Variants in SLC11A2 observed in about 807,000 individuals in gnomAD.
SLC11A2 encodes solute carrier family 11 member 2, also known as natural resistance-associated macrophage protein 2.
SLC11A2 carries 38 observed loss-of-function variants against 68.0 expected under a neutral mutation model. The observed-to-expected ratio is 0.56, with a 90% CI of 0.43 to 0.73. The LOEUF is 0.73. Ranked by LOEUF, SLC11A2 falls within the 30% of genes least tolerant of loss-of-function variation. SLC11A2 has a pLI of 0.00. For synonymous variants in SLC11A2, 242 were observed against 250.6 expected (o/e 0.97, Z 0.32); for missense variants, 517 against 690.5 (o/e 0.75, Z 2.82).
intron 5 of SLC11A2, among the ~76,000 whole-genome samples, chr12:51,004,386 T>A (rs1013357525): frequency 5.9e-5 from 9 of 152,004 alleles, no homozygotes; most frequent in African/African-American, 1.9e-4. Flanking sequence ...AGAAAAAAAA[T>A]TACTTTTTCA....
chr12:50,991,607 G>GGCAAAGTCACTCATTACTGGCC lies in SLC11A2; in HGVS notation c.1391_1412dup (p.Asn472AlafsTer5). ...AAGAGGAGTACACTCACAGTCCATT[G>GGCAAAGTCACTCATTACTGGCC]GCAAAGTCACTCATTACTGGCCGCA... On this transcript the variant is annotated stop_gained and frameshift_variant, in exon 14 of 16. Coordinates refer to ENST00000262052, the MANE Select transcript of SLC11A2 (RefSeq NM_000617.3). LOFTEE classifies it high-confidence loss of function. 6.2e-7 allele frequency: 1 copy of GGCAAAGTCACTCATTACTGGCC among 1,613,546 alleles called. No homozygotes were observed. Among genetic ancestry groups the GGCAAAGTCACTCATTACTGGCC allele is most frequent in the East Asian group, 2.2e-5 (1 of 44,874 alleles).
the SLC11A2 span, chr12:50,970,309 A>G: frequency 1.1e-5 from 7 of 656,552 alleles, no homozygotes; most frequent in African/African-American, 1.9e-5. Context: ...CAAACCAAAA[A>G]CTAGTAAGAA....
rs769504137 is a variant in SLC11A2 at position 50,992,798 on chromosome 12, A to G, written c.1197+12T>C. ...GTTGTGTTATCTCCCTCTATCCTAT[A>G]CCAGCACGTACCTCCATGACAAACT... On this transcript the variant is annotated intron_variant, in intron 12 of 15. Transcript: ENST00000262052. 6.2e-7 allele frequency: 1 copy of G among 1,613,492 alleles called. No homozygotes were observed. Among genetic ancestry groups the G allele is most frequent in the Non-Finnish European group, 8.5e-7 (1 of 1,179,714 alleles).
intron 15 of SLC11A2, among the ~76,000 whole-genome samples, chr12:50,989,530 G>C (rs1452503836): frequency 6.6e-6 from 1 of 152,130 alleles, no homozygotes; most frequent in Non-Finnish European, 1.5e-5. Context: ...AAGCTCATTA[G>C]CCTTAGGCTG....
chr12:50,965,946 T>C, the SLC11A2 span, among the ~76,000 whole-genome samples: 10 of 152,224 alleles, frequency 6.6e-5, no homozygotes, highest in Admixed American at 6.5e-4. Context: ...TGGCTCTTTA[T>C]TGTGGTGATT....
At position 50,988,032 on chromosome 12, in the gene SLC11A2, G is replaced by A. The variant is rs1351635152; in HGVS notation, c.*293C>T. On this transcript the variant is annotated 3_prime_UTR_variant, in exon 16 of 16. Transcript: ENST00000262052. ...GAATCATGCATATCCTTGTCTCTCCGAAGGATAAACTGAGCTGGCCCTTGG... is the reference window on the plus strand; with the variant it reads ...GAATCATGCATATCCTTGTCTCTCCAAAGGATAAACTGAGCTGGCCCTTGG... The A allele has an allele frequency of 8.0e-6, 11 of 1,369,494 alleles. No individual in the cohort carries two copies. The highest frequency in any genetic ancestry group is 2.8e-4 in the Middle Eastern group (1 of 3,516). 84.8% of individuals were successfully genotyped at this position (1,369,494 alleles called of 1,614,324 possible). A position where few individuals can be genotyped will look rare whatever the true frequency, so the allele number is the denominator to read the frequency against.
chr12:51,005,542 A>C, intron 3 of SLC11A2, 106 bp from the exon 4 acceptor site: 1 of 1,567,184 alleles, frequency 6.4e-7, no homozygotes. Context: ...TCACAAGAAA[A>C]AAGGATTTAC....
Position 50,999,161 on chromosome 12 carries a change from C to A in SLC11A2, c.675+13G>T. On this transcript the variant is annotated intron_variant, in intron 8 of 15. Coordinates refer to ENST00000262052, the MANE Select transcript of SLC11A2 (RefSeq NM_000617.3). ...TTATTTTAAGAAGCTAATGAATATCCTGTACCACTTGCCTCATATCCAAAT... is the reference window on the plus strand; with the variant it reads ...TTATTTTAAGAAGCTAATGAATATCATGTACCACTTGCCTCATATCCAAAT... 6.3e-7 allele frequency: 1 copy of A among 1,597,592 alleles called. No individual in the cohort carries two copies. The highest frequency in any genetic ancestry group is 8.6e-7 in the Non-Finnish European group (1 of 1,165,242).
intron 1 of SLC11A2, among the ~76,000 whole-genome samples, chr12:51,021,861 G>A (rs1944065391): frequency 6.6e-6 from 1 of 152,142 alleles, no homozygotes; most frequent in African/African-American, 2.4e-5. Flanking sequence ...CTGCCTGGGT[G>A]TCAAAAACGA....
Position 50,988,210 on chromosome 12 carries a change from T to A in SLC11A2, c.*115A>T. ...AAACAAAGTCTTTTCCAACCAACGG[T>A]TGAGTCATAAACACAGTCTGTGCAA... is the stretch of plus-strand genomic sequence containing the variant. On this transcript the variant is annotated 3_prime_UTR_variant, in exon 16 of 16. Coordinates refer to ENST00000262052, the MANE Select transcript of SLC11A2 (RefSeq NM_000617.3). 2 of 1,576,994 alleles carry A rather than the reference T, an allele frequency of 1.3e-6. No individual in the cohort carries two copies. Among genetic ancestry groups the A allele is most frequent in the African/African-American group, 1.4e-5 (1 of 74,062 alleles).
intron 14 of SLC11A2, 138 bp downstream of exon 14, chr12:50,991,461 C>G: frequency 1.4e-6 from 1 of 724,048 alleles, no homozygotes; most frequent in Non-Finnish European, 2.5e-6. Flanking sequence ...ATTCTCTAAG[C>G]CAAAGAGGAA....
chr12:50,998,670 A>G (rs1408750107), intron 8 of SLC11A2, among the ~76,000 whole-genome samples: 3 of 152,214 alleles, frequency 2.0e-5, no homozygotes, highest in Non-Finnish European at 4.4e-5. Context: ...GAAAGGTGCT[A>G]GTACTGCAAA....
the SLC11A2 span, chr12:50,953,854 A>G: frequency 5.6e-4 from 312 of 559,142 alleles, no homozygotes; most frequent in Non-Finnish European, 8.5e-4. Context: ...AAGGAAAGAC[A>G]ATTGTTTCAG....
chr12:50,963,369 C>CAAAAAAAA, the SLC11A2 span, among the ~76,000 whole-genome samples: 9 of 72,386 alleles, frequency 1.2e-4, no homozygotes, highest in African/African-American at 2.5e-4. Flanking sequence ...GACTCCATCT[C>CAAAAAAAA]AAAAAAAAAA....
At chr12:50,959,579 A>G in the SLC11A2 span, among the ~76,000 whole-genome samples, 2 of 152,144 alleles carry the variant, frequency 1.3e-5, no homozygotes, top group Non-Finnish European at 2.9e-5. Flanking sequence ...CTCTATACCA[A>G]TAAGTTATAC....
chr12:50,970,622 C>A, the SLC11A2 span: 4 of 647,692 alleles, frequency 6.2e-6, no homozygotes, highest in African/African-American at 7.4e-5. Context: ...ATGCTCATAG[C>A]CTTTGTATTT....
chr12:50,954,739 C>T, the SLC11A2 span, among the ~76,000 whole-genome samples: 14 of 152,136 alleles, frequency 9.2e-5, no homozygotes, highest in Admixed American at 3.3e-4. Context: ...AACAAACAAA[C>T]AAATAAACAA....
At chr12:50,953,976 T>C in the SLC11A2 span, 7 of 1,404,686 alleles carry the variant, frequency 5.0e-6, no homozygotes, top group Middle Eastern at 1.8e-4. Context: ...CACATTTATA[T>C]CCTATTGTTA....
At chr12:50,973,661 G>A in the SLC11A2 span, among the ~76,000 whole-genome samples, 9 of 152,206 alleles carry the variant, frequency 5.9e-5, no homozygotes, top group African/African-American at 2.2e-4. Flanking sequence ...CAAGTTGAGA[G>A]AAGAAGGCTA....
Sources: gnomAD v4.1 joint callset for allele counts (sites outside exome capture counted in the v4.1 genomes callset) on GRCh38, gnomAD v4.1.1 for gene constraint, MANE v1.5 for transcripts, NCBI Gene and HGNC (gene_info 2026-07-23, HGNC 2026-07-21) for gene names.